GNAI3: variants seen among roughly 807,000 people sequenced by gnomAD.
The protein encoded by GNAI3 is G protein subunit alpha i3.
Under a neutral mutation model 41.8 loss-of-function variants are expected in GNAI3, and 12 were observed. The observed-to-expected ratio is 0.29, with a 90% CI of 0.18 to 0.47. The LOEUF (loss-of-function observed/expected upper bound fraction) is 0.47, where lower values mean the gene tolerates loss of function less well. GNAI3 is among the 20% of genes least tolerant of loss of function. The pLI, the probability that GNAI3 is intolerant of heterozygous loss-of-function variation, is 1.00. For synonymous variants in GNAI3, 132 were observed against 146.5 expected (o/e 0.90, Z 0.71); for missense variants, 360 against 429.6 (o/e 0.84, Z 1.43).
At chr1:109,584,090 G>A (rs1648964439) in intron 5 of GNAI3, among the ~76,000 whole-genome samples, 1 of 151,970 alleles carries the variant, frequency 6.6e-6, no homozygotes, top group Non-Finnish European at 1.5e-5. Flanking sequence ...TGTTATTATT[G>A]CATACAGATG....
At chr1:109,586,908 G>T in intron 7 of GNAI3, 26 bp downstream of exon 7, 1 of 1,503,892 alleles carries the variant, frequency 6.6e-7, no homozygotes. Context: ...AGATTTTATT[G>T]GAGGTACACA....
At chr1:109,551,141 A>T (rs563380445) in intron 1 of GNAI3, among the ~76,000 whole-genome samples, 1 of 152,360 alleles carries the variant, frequency 6.6e-6, no homozygotes, top group Non-Finnish European at 1.5e-5. Flanking sequence ...CAAAGTACTA[A>T]ACATATTTGC....
intron 1 of GNAI3, among the ~76,000 whole-genome samples, chr1:109,571,835 T>C (rs937014406): frequency 2.6e-5 from 4 of 151,858 alleles, no homozygotes; most frequent in Non-Finnish European, 5.9e-5. Context: ...GGAGAATCAC[T>C]TGAACCTGGG....
At chr1:109,569,108 C>T (rs766320036) in intron 1 of GNAI3, among the ~76,000 whole-genome samples, 5 of 152,166 alleles carry the variant, frequency 3.3e-5, no homozygotes, top group Non-Finnish European at 4.4e-5. Flanking sequence ...CAAAAATCTC[C>T]GTGACTTCAC....
intron 1 of GNAI3, among the ~76,000 whole-genome samples, chr1:109,550,982 A>G (rs190394630): frequency 2.6e-5 from 4 of 152,230 alleles, no homozygotes; most frequent in Admixed American, 2.6e-4. Flanking sequence ...TTCTTCCAAA[A>G]TGCAGGATTA....
chr1:109,597,345 C>G lies in GNAI3; in HGVS notation c.*5023C>G, dbSNP rs1557915515. On this transcript the variant is annotated 3_prime_UTR_variant, in exon 9 of 9. Coordinates refer to ENST00000369851, the MANE Select transcript of GNAI3 (RefSeq NM_006496.4). The stretch of plus-strand genomic sequence containing the variant: ...GGCATGGTGGTGGATGCCTGTAATC[C>G]TAGCTACTCGGGAGGCTGAGGCAGG... 6.6e-6 allele frequency: 1 copy of G among 152,158 alleles called. No homozygotes were observed. Among genetic ancestry groups the G allele is most frequent in the Non-Finnish European group, 1.5e-5 (1 of 68,110 alleles). 9.4% of individuals were successfully genotyped at this position (152,158 alleles called of 1,614,324 possible).
intron 1 of GNAI3, among the ~76,000 whole-genome samples, chr1:109,559,258 T>C (rs139886646): frequency 1.3e-5 from 2 of 152,290 alleles, no homozygotes; most frequent in East Asian, 3.9e-4. Context: ...TTACTGAAGT[T>C]CATTTTTAAA....
At position 109,548,645 on chromosome 1, in the gene GNAI3, G is replaced by C. The variant is rs1032033649; in HGVS notation, c.-76G>C. The C allele has an allele frequency of 2.0e-5, 20 of 979,242 alleles. No homozygotes were observed. The African/African-American group carries it at 2.9e-4, about 14-fold the overall frequency. 60.7% of individuals were successfully genotyped at this position (979,242 alleles called of 1,614,324 possible). The stretch of plus-strand genomic sequence containing the variant: ...AGAGGGCCACCGCCCAGCAATAGAC[G>C]GTGCCTCAGCCTGCCGAGCCGCAGT... On this transcript the variant is annotated 5_prime_UTR_variant, in exon 1 of 9. Transcript: ENST00000369851.
intron 3 of GNAI3, among the ~76,000 whole-genome samples, chr1:109,576,060 C>G (rs1437649556): frequency 6.6e-6 from 1 of 151,924 alleles, no homozygotes; most frequent in African/African-American, 2.4e-5. Flanking sequence ...TTATTGTCTT[C>G]TAGTATTTTT....
chr1:109,587,216 G>A (rs576626173), intron 7 of GNAI3, among the ~76,000 whole-genome samples: 12 of 152,262 alleles, frequency 7.9e-5, no homozygotes, highest in Non-Finnish European at 1.2e-4. Context: ...CCAAGAGTTT[G>A]AGATCAGTCT....
At chr1:109,573,822 A>C (rs1229546085) in intron 2 of GNAI3, 43 bp downstream of exon 2, 2 of 1,586,130 alleles carry the variant, frequency 1.3e-6, no homozygotes. Context: ...GATTTCTCCT[A>C]ATGCATATAA....
rs1162389437 is a variant in GNAI3, at chr1:109,573,795, G to C, written c.161+16G>C. Reference sequence around the variant, plus strand: ...AACAGATGAAGTAAGTTGGAATGTAGCGTTTTGTTAGACTAGGATTTCTCC... The same window carrying C: ...AACAGATGAAGTAAGTTGGAATGTACCGTTTTGTTAGACTAGGATTTCTCC... On this transcript the variant is annotated intron_variant, in intron 2 of 8. Transcript: ENST00000369851. 1.9e-6 allele frequency: 3 copies of C among 1,608,592 alleles called. No individual in the cohort carries two copies. The highest frequency in any genetic ancestry group is 1.7e-4 in the Middle Eastern group (1 of 6,046).
intron 1 of GNAI3, among the ~76,000 whole-genome samples, chr1:109,568,073 T>A (rs1255223136): frequency 6.6e-6 from 1 of 152,034 alleles, no homozygotes; most frequent in Non-Finnish European, 1.5e-5. Flanking sequence ...AATGGTTTAT[T>A]TGTTTTAGCA....
chr1:109,583,857 C>T (rs983125742), intron 5 of GNAI3, among the ~76,000 whole-genome samples: 1 of 151,628 alleles, frequency 6.6e-6, no homozygotes, highest in Non-Finnish European at 1.5e-5. Context: ...TCCCAAAGTG[C>T]TGGGATTACA....
At position 109,548,629 on chromosome 1, in the gene GNAI3, C is replaced by G. The variant is rs866919327; in HGVS notation, c.-92C>G. ...CTAAGGGAGCTGACGGAGAGGGCCA[C>G]CGCCCAGCAATAGACGGTGCCTCAG... On this transcript the variant is annotated 5_prime_UTR_variant, in exon 1 of 9. Transcript: ENST00000369851. 3.6e-6 allele frequency: 3 copies of G among 833,406 alleles called. No homozygotes were observed. The highest frequency in any genetic ancestry group is 5.1e-5 in the East Asian group (2 of 38,864). The allele number at this position is 833,406 out of a possible 1,614,324, so 51.6% of individuals were successfully genotyped here.
chr1:109,560,627 A>G (rs1238291144), intron 1 of GNAI3, among the ~76,000 whole-genome samples: 2 of 152,166 alleles, frequency 1.3e-5, no homozygotes, highest in African/African-American at 4.8e-5. Context: ...AGAAACAGCA[A>G]AAGTACTCTG....
chr1:109,561,058 G>T (rs1475333221), intron 1 of GNAI3, among the ~76,000 whole-genome samples: 2 of 152,166 alleles, frequency 1.3e-5, no homozygotes, highest in African/African-American at 2.4e-5. Context: ...AGGTAATGTA[G>T]TCCTGAGGTA....
intron 7 of GNAI3, among the ~76,000 whole-genome samples, chr1:109,589,158 T>A (rs1434473418): frequency 6.6e-6 from 1 of 152,068 alleles, no homozygotes; most frequent in African/African-American, 2.4e-5. Flanking sequence ...GGAGATAATA[T>A]TATAGAATGA....
At chr1:109,560,661 C>CTG (rs932075210) in intron 1 of GNAI3, among the ~76,000 whole-genome samples, 62 of 152,316 alleles carry the variant, frequency 4.1e-4, no homozygotes, top group African/African-American at 1.4e-3. Flanking sequence ...TGTGATCCTC[C>CTG]TGTGTCAGCC....
Sources: gnomAD v4.1 joint callset for allele counts (sites outside exome capture counted in the v4.1 genomes callset) on GRCh38, gnomAD v4.1.1 for gene constraint, MANE v1.5 for transcripts, NCBI Gene and HGNC (gene_info 2026-07-23, HGNC 2026-07-21) for gene names.